The following ADGRG6 variants were observed in gnomAD, a reference collection of about 807,000 sequenced individuals.
ADGRG6 encodes G-protein coupled receptor 126.
Under a neutral mutation model 142.4 loss-of-function variants are expected in ADGRG6, and 84 were observed. That is an observed-to-expected ratio of 0.59 (90% CI 0.49 to 0.71). The LOEUF is 0.71. ADGRG6 is among the 30% of genes least tolerant of loss of function. The pLI is 0.00. For missense variants in ADGRG6, 1,367 were observed against 1,466.6 expected (o/e 0.93, Z 1.11); for synonymous variants, 521 against 520.5 (o/e 1.00, Z -0.01).
intron 2 of ADGRG6, among the ~76,000 whole-genome samples, chr6:142,336,197 T>C (rs1779307037): frequency 1.3e-5 from 2 of 150,232 alleles, no homozygotes; most frequent in African/African-American, 4.8e-5. Flanking sequence ...TGGGATAAAT[T>C]TGTAATTTTG....
chr6:142,372,502 G>C (rs1045228044), intron 4 of ADGRG6, among the ~76,000 whole-genome samples: 1 of 152,130 alleles, frequency 6.6e-6, no homozygotes, highest in African/African-American at 2.4e-5. Flanking sequence ...CCACCTGTTC[G>C]TGTGGTCCAT....
Position 142,375,562 on chromosome 6 carries a change from G to A in ADGRG6, c.1069+4769G>A, listed in dbSNP as rs145717125. On this transcript the variant is annotated intron_variant, in intron 4 of 24. Coordinates refer to ENST00000367609, the MANE Select transcript of ADGRG6 (RefSeq NM_198569.3). ...TTAGCTAAGCAAATCTTTGATAAGTGTACCCTGTTAACATTTTAACCTTTC... is the reference window on the plus strand; with the variant it reads ...TTAGCTAAGCAAATCTTTGATAAGTATACCCTGTTAACATTTTAACCTTTC... Among the ~76,000 whole-genome samples the A allele has an allele frequency of 2.6e-3, 402 of 152,240 alleles. 3 individuals carry two copies. Among genetic ancestry groups the A allele is most frequent in the Middle Eastern group, 0.017 (5 of 294 alleles).
At chr6:142,359,142 G>T (rs1381324883) in intron 2 of ADGRG6, among the ~76,000 whole-genome samples, 5 of 149,732 alleles carry the variant, frequency 3.3e-5, no homozygotes, top group Non-Finnish European at 5.9e-5. Context: ...AGGAGGTTGA[G>T]GCTTCAGTGA....
Position 142,445,583 on chromosome 6 carries a change from T to C in ADGRG6, c.*2068T>C, listed in dbSNP as rs1777939647. ...GCTCCAGAAAAATATTTTTTTCATA[T>C]TTGACAATGTCAGCTCCACTTTAGA... On this transcript the variant is annotated 3_prime_UTR_variant, in exon 25 of 25. Coordinates refer to ENST00000367609, the MANE Select transcript of ADGRG6 (RefSeq NM_198569.3). 3 of 152,198 alleles carry C rather than the reference T, an allele frequency of 2.0e-5. No homozygotes were observed. The highest frequency in any genetic ancestry group is 2.1e-4 in the South Asian group (1 of 4,828). The allele number at this position is 152,198 out of a possible 1,614,324, so 9.4% of individuals were successfully genotyped here. A position where few individuals can be genotyped will look rare whatever the true frequency, so the allele number is the denominator to read the frequency against.
Position 142,303,250 on chromosome 6 carries a change from A to T in ADGRG6, c.2+919A>T, listed in dbSNP as rs570529717. On this transcript the variant is annotated intron_variant, in intron 1 of 24. Transcript: ENST00000367609. ...TGTACAACAATTTCTAGAACTTGGT[A>T]CTTAACACTCCTTCCCCCAACTCCT... 1.2e-4 allele frequency among the ~76,000 whole-genome samples: 18 copies of T among 152,238 alleles called. No individual in the cohort carries two copies. The East Asian group carries it at 3.5e-3, about 29-fold the overall frequency.
intron 2 of ADGRG6, among the ~76,000 whole-genome samples, chr6:142,323,712 A>G (rs1346924225): frequency 6.6e-6 from 1 of 152,110 alleles, no homozygotes; most frequent in Admixed American, 6.6e-5. Context: ...AAACCTGTTT[A>G]ACAGGTACTG....
chr6:142,348,439 A>G (rs1000905290), intron 2 of ADGRG6, among the ~76,000 whole-genome samples: 13 of 152,078 alleles, frequency 8.5e-5, no homozygotes, highest in African/African-American at 3.1e-4. Flanking sequence ...AAAAAAGGAA[A>G]ACAAAAATTT....
At chr6:142,373,881 CTTT>C (rs769498618) in intron 4 of ADGRG6, among the ~76,000 whole-genome samples, 3 of 93,868 alleles carry the variant, frequency 3.2e-5, no homozygotes, top group South Asian at 3.6e-4. Flanking sequence ...TTTTTCTTTT[CTTT>C]TTTTTTTTTT....
chr6:142,403,985 G>C lies in ADGRG6; in HGVS notation c.2127+12G>C, dbSNP rs757650195. On this transcript the variant is annotated intron_variant, in intron 14 of 24. Coordinates refer to ENST00000367609, the MANE Select transcript of ADGRG6 (RefSeq NM_198569.3). ...AATCGTATTTCCAGGTAATGAGCCA[G>C]TGGTTTCTTTCATTTTAATTAATTA... 6.3e-7 allele frequency: 1 copy of C among 1,584,848 alleles called. No individual in the cohort carries two copies. Among genetic ancestry groups the C allele is most frequent in the Admixed American group, 1.7e-5 (1 of 58,816 alleles).
chr6:142,418,251 T>C (rs572536815), intron 21 of ADGRG6, among the ~76,000 whole-genome samples: 2 of 148,322 alleles, frequency 1.3e-5, no homozygotes, highest in African/African-American at 5.0e-5. Context: ...TGAGCCAAGA[T>C]TGCACCATGA....
chr6:142,341,382 T>A (rs1352922532), intron 2 of ADGRG6, among the ~76,000 whole-genome samples: 8 of 126,366 alleles, frequency 6.3e-5, no homozygotes, highest in Non-Finnish European at 1.1e-4. Flanking sequence ...ATTATATATA[T>A]ACTATATATT....
At position 142,392,973 on chromosome 6, in the gene ADGRG6, A is replaced by G. The variant is rs1355433914; in HGVS notation, c.1334A>G (p.Asn445Ser). 8.8e-6 allele frequency: 14 copies of G among 1,596,684 alleles called. No homozygotes were observed. Among genetic ancestry groups the G allele is most frequent in the Non-Finnish European group, 1.2e-5 (14 of 1,164,874 alleles). The change falls in exon 8 of 25, where the codon AAC becomes AGC. Residue 445 changes from asparagine (N) to serine (S), a missense_variant. Coordinates refer to ENST00000367609, the MANE Select transcript of ADGRG6 (RefSeq NM_198569.3). ...EWLNSTFQNW[N>S]YTVYVVNISF... Reference sequence around the variant, plus strand: ...CTCAATTCAACCTTCCAAAATTGGAACTACACGGTTTATGTCGTTAATATC... The same window carrying G: ...CTCAATTCAACCTTCCAAAATTGGAGCTACACGGTTTATGTCGTTAATATC...
At chr6:142,331,773 C>T (rs995616246) in intron 2 of ADGRG6, among the ~76,000 whole-genome samples, 16 of 151,998 alleles carry the variant, frequency 1.1e-4, no homozygotes, top group African/African-American at 3.9e-4. Flanking sequence ...TAGGAAAATA[C>T]GTGTCACTGC....
chr6:142,394,580 A>ATTTT (rs5880532), intron 9 of ADGRG6, among the ~76,000 whole-genome samples: 5 of 132,990 alleles, frequency 3.8e-5, no homozygotes, highest in African/African-American at 1.1e-4. Context: ...ATCTCTGTAG[A>ATTTT]TTTTTTTTTT....
At chr6:142,344,591 G>C (rs968858447) in intron 2 of ADGRG6, among the ~76,000 whole-genome samples, 1 of 151,886 alleles carries the variant, frequency 6.6e-6, no homozygotes, top group Non-Finnish European at 1.5e-5. Flanking sequence ...ATAATTATCT[G>C]ATTAAATGAT....
chr6:142,438,821 T>A (rs189522654), intron 24 of ADGRG6, among the ~76,000 whole-genome samples: 16 of 152,330 alleles, frequency 1.1e-4, no homozygotes, highest in Non-Finnish European at 1.9e-4. Context: ...TATTGATGAC[T>A]GCCCTTTAAA....
chr6:142,393,982 G>C, intron 9 of ADGRG6, 24 bp downstream of exon 9: 1 of 1,417,554 alleles, frequency 7.1e-7, no homozygotes, highest in South Asian at 1.2e-5. Context: ...GTATTGTAAA[G>C]AGTATAACAT....
intron 1 of ADGRG6, among the ~76,000 whole-genome samples, chr6:142,305,176 G>A (rs147497492): frequency 6.6e-6 from 1 of 151,966 alleles, no homozygotes; most frequent in South Asian, 2.1e-4. Flanking sequence ...AAAGTGACAG[G>A]GATTAAAGCA....
chr6:142,338,027 T>TTTTTTTTTTTTTTTTTTG (rs892007926), intron 2 of ADGRG6, among the ~76,000 whole-genome samples: 5 of 58,016 alleles, frequency 8.6e-5, no homozygotes, highest in African/African-American at 1.7e-4. Context: ...GTTTTTTTTT[T>TTTTTTTTTTTTTTTTTTG]TTTTTTTTTT....
Sources: allele counts gnomAD v4.1 joint callset (sites outside exome capture counted in the v4.1 genomes callset), GRCh38; gene constraint gnomAD v4.1.1; transcripts MANE v1.5; gene names NCBI Gene and HGNC (gene_info 2026-07-23, HGNC 2026-07-21).